DNAJC1: variants seen among roughly 807,000 people sequenced by gnomAD.
The protein encoded by DNAJC1 is DnaJ heat shock protein family (Hsp40) member C1.
DNAJC1 carries 58 observed loss-of-function variants against 76.6 expected under a neutral mutation model. The ratio of observed to expected loss-of-function variants is 0.76; its 90% CI spans 0.61 to 0.94. The LOEUF (loss-of-function observed/expected upper bound fraction) is 0.94, where lower values mean the gene tolerates loss of function less well. Among genes scored for constraint, DNAJC1 ranks in the 40% least tolerant of loss-of-function variants. DNAJC1 has a pLI of 0.00. For synonymous variants in DNAJC1, 258 were observed against 267.9 expected, an observed-to-expected ratio of 0.96 and a Z score of 0.36; for missense variants, 689 against 677.3, an observed-to-expected ratio of 1.02 and a Z score of -0.19.
intron 10 of DNAJC1, among the ~76,000 whole-genome samples, chr10:21,762,484 C>T (rs1235361651): frequency 6.6e-6 from 1 of 152,192 alleles, no homozygotes; most frequent in Admixed American, 6.5e-5. Flanking sequence ...TACATCTATC[C>T]ACATGTAGCG....
chr10:21,827,760 A>C (rs1460416153), intron 8 of DNAJC1, among the ~76,000 whole-genome samples: 1 of 152,184 alleles, frequency 6.6e-6, no homozygotes, highest in Non-Finnish European at 1.5e-5. Context: ...TCATATTCTG[A>C]AGTTCTAAGT....
Position 21,931,187 on chromosome 10 carries a change from C to T in DNAJC1, c.223-2046G>A, listed in dbSNP as rs150363826. 3.0e-4 allele frequency among the ~76,000 whole-genome samples: 45 copies of T among 152,268 alleles called. 1 individual carries two copies. The East Asian group carries it at 7.9e-3, about 27-fold the overall frequency. On this transcript the variant is annotated intron_variant, in intron 1 of 11. Transcript: ENST00000376980. ...CCAATTTTTTTAGCCTTATCTCCCA[C>T]CCTCTTGGCTCATCCTCCTGGTCCC...
chr10:21,990,017 A>G (rs949570456), intron 1 of DNAJC1, among the ~76,000 whole-genome samples: 3 of 152,246 alleles, frequency 2.0e-5, no homozygotes, highest in Admixed American at 6.5e-5. Flanking sequence ...GCCAAAGTCT[A>G]AAACATTTTT....
Position 21,915,319 on chromosome 10 carries a change from G to T in DNAJC1, c.729+3460C>A, listed in dbSNP as rs972934508. On this transcript the variant is annotated intron_variant, in intron 6 of 11. Coordinates refer to ENST00000376980, the MANE Select transcript of DNAJC1 (RefSeq NM_022365.4). Reference sequence around the variant, plus strand: ...TCCCACTTTCCCAATCTTACCAGACGACCTTATGTATGTGAAGCGTAGCAA... The same window carrying T: ...TCCCACTTTCCCAATCTTACCAGACTACCTTATGTATGTGAAGCGTAGCAA... Among the ~76,000 whole-genome samples the T allele has an allele frequency of 2.6e-5, 4 of 152,276 alleles. No homozygotes were observed. In the South Asian group the frequency reaches 6.2e-4, roughly 24 times the overall value.
At chr10:21,853,747 T>C (rs1017444150) in intron 8 of DNAJC1, among the ~76,000 whole-genome samples, 1 of 132,198 alleles carries the variant, frequency 7.6e-6, no homozygotes. Flanking sequence ...TAAGCCGAGA[T>C]TGCACACTCC....
At chr10:21,957,055 C>T (rs955386246) in intron 1 of DNAJC1, among the ~76,000 whole-genome samples, 1 of 151,974 alleles carries the variant, frequency 6.6e-6, no homozygotes, top group Non-Finnish European at 1.5e-5. Flanking sequence ...CCGCACCTGA[C>T]TAATTTTTGT....
rs540951966 is a variant in DNAJC1 at position 21,837,964 on chromosome 10, G to A, written c.979-31865C>T. On this transcript the variant is annotated intron_variant, in intron 8 of 11. Transcript: ENST00000376980. ...CAGCCGCCCCGGCCGGGAGGGAGGT[G>A]GGGGGCAGTCCCCGCCCGGCCAGCC... Among the ~76,000 whole-genome samples the A allele has an allele frequency of 2.5e-4, 37 of 146,696 alleles. No homozygotes were observed. The East Asian group carries it at 6.5e-3, about 26-fold the overall frequency.
rs1266633966 is a variant in DNAJC1 at position 21,886,242 on chromosome 10, A to G, written c.821-3803T>C. Among the ~76,000 whole-genome samples the G allele has an allele frequency of 2.0e-5, 3 of 152,146 alleles. No individual in the cohort carries two copies. The East Asian group carries it at 5.8e-4, about 29-fold the overall frequency. ...ACTAGAAAACCTAGAAGAGATGGAT[A>G]AATTCCTGGACACATACACCCTCCT... On this transcript the variant is annotated intron_variant, in intron 7 of 11. Transcript: ENST00000376980.
chr10:21,979,443 T>A (rs1838115957), intron 1 of DNAJC1, among the ~76,000 whole-genome samples: 1 of 152,086 alleles, frequency 6.6e-6, no homozygotes, highest in African/African-American at 2.4e-5. Flanking sequence ...GTTAAAATGC[T>A]AGAGGAGATT....
chr10:21,886,793 C>A (rs1836371902), intron 7 of DNAJC1, among the ~76,000 whole-genome samples: 1 of 151,478 alleles, frequency 6.6e-6, no homozygotes, highest in Admixed American at 6.6e-5. Flanking sequence ...TTAAAAAAAA[C>A]TCTCAATAAA....
chr10:21,893,789 T>A (rs1836494506), intron 7 of DNAJC1, among the ~76,000 whole-genome samples: 1 of 148,448 alleles, frequency 6.7e-6, no homozygotes, highest in African/African-American at 2.5e-5. Flanking sequence ...ACCAAAACAA[T>A]CCAAAAGCAA....
chr10:21,971,553 C>T (rs988213500), intron 1 of DNAJC1, among the ~76,000 whole-genome samples: 2 of 151,716 alleles, frequency 1.3e-5, no homozygotes, highest in Non-Finnish European at 3.0e-5. Context: ...AAAACAGGGA[C>T]AATTTTTTAA....
intron 1 of DNAJC1, among the ~76,000 whole-genome samples, chr10:21,935,213 TAA>T (rs1293874836): frequency 6.6e-6 from 1 of 152,066 alleles, no homozygotes; most frequent in Non-Finnish European, 1.5e-5. Context: ...TAAATATGCT[TAA>T]AGAGTATGTT....
chr10:21,813,895 A>T (rs1835032183), intron 8 of DNAJC1, among the ~76,000 whole-genome samples: 1 of 152,050 alleles, frequency 6.6e-6, no homozygotes, highest in Admixed American at 6.5e-5. Flanking sequence ...AAATGCTGAT[A>T]CTCTAGCTAC....
intron 8 of DNAJC1, chr10:21,860,953 C>T (rs566724776): frequency 3.9e-5 from 6 of 152,348 alleles, no homozygotes; most frequent in African/African-American, 1.2e-4. Context: ...AGAATACAGG[C>T]TTTGAAACAA....
chr10:21,801,377 TG>T (rs1321639347), intron 9 of DNAJC1, among the ~76,000 whole-genome samples: 1 of 151,896 alleles, frequency 6.6e-6, no homozygotes, highest in African/African-American at 2.4e-5. Context: ...AACAAGGATA[TG>T]AAAAAAAGCT....
intron 1 of DNAJC1, among the ~76,000 whole-genome samples, chr10:21,945,523 C>T (rs995755786): frequency 5.3e-5 from 8 of 151,918 alleles, no homozygotes; most frequent in Non-Finnish European, 1.5e-5. Context: ...GGACAGAATC[C>T]AAAATATGGG....
chr10:21,889,206 CGA>C (rs140775385), intron 7 of DNAJC1, among the ~76,000 whole-genome samples: 1 of 151,732 alleles, frequency 6.6e-6, no homozygotes, highest in Non-Finnish European at 1.5e-5. Context: ...GGGGCAGAAA[CGA>C]GAGAGAGAGG....
intron 9 of DNAJC1, among the ~76,000 whole-genome samples, chr10:21,771,793 C>T (rs747883860): frequency 3.9e-5 from 6 of 152,170 alleles, no homozygotes; most frequent in Admixed American, 6.5e-5. Flanking sequence ...CCACTGAGTC[C>T]GGCTCAAACA....
Sources: allele counts gnomAD v4.1 joint callset (sites outside exome capture counted in the v4.1 genomes callset), GRCh38; gene constraint gnomAD v4.1.1; transcripts MANE v1.5; gene names NCBI Gene and HGNC (gene_info 2026-07-23, HGNC 2026-07-21).